Variants in EDIL3 observed in about 807,000 individuals in gnomAD.
The protein encoded by EDIL3 is EGF-like repeat and discoidin I-like domain-containing protein 3.
A neutral mutation model predicts 67.4 loss-of-function variants in EDIL3; 37 were observed. The observed-to-expected ratio is 0.55, with a 90% confidence interval of 0.42 to 0.72. The LOEUF is 0.72. Ranked by LOEUF, EDIL3 falls within the 30% of genes least tolerant of loss-of-function variation. The probability of loss-of-function intolerance (pLI) is 0.00; values close to 1 mark genes in which losing one functional copy is unlikely to be tolerated. For synonymous variants in EDIL3, 195 were observed against 196.3 expected (o/e 0.99, Z 0.05); for missense variants, 527 against 586.3 (o/e 0.90, Z 1.04).
chr5:84,379,470 T>A (rs1166648835), intron 1 of EDIL3, among the ~76,000 whole-genome samples: 1 of 152,164 alleles, frequency 6.6e-6, no homozygotes, highest in African/African-American at 2.4e-5. Flanking sequence ...CATTCATCTC[T>A]TTCCAGTGCA....
rs887876886 is a variant in EDIL3, at chr5:84,029,040, G to A, written c.1137+31260C>T. 3.3e-5 allele frequency among the ~76,000 whole-genome samples: 5 copies of A among 152,180 alleles called. No homozygotes were observed. In the South Asian group the frequency reaches 8.3e-4, roughly 25 times the overall value. On this transcript the variant is annotated intron_variant, in intron 9 of 10. Transcript: ENST00000296591. ...TGGGAGGCTGAGGCAGGTGGATCAC[G>A]AGGTCAGGAGATCGAGACCATCCTG...
chr5:84,280,701 T>G (rs1391152977), intron 1 of EDIL3, among the ~76,000 whole-genome samples: 2 of 151,960 alleles, frequency 1.3e-5, no homozygotes, highest in Non-Finnish European at 2.9e-5. Flanking sequence ...GCTTGAAATC[T>G]CAACACTTTG....
At chr5:84,248,810 T>C (rs2112069356) in intron 2 of EDIL3, among the ~76,000 whole-genome samples, 1 of 152,268 alleles carries the variant, frequency 6.6e-6, no homozygotes, top group Admixed American at 6.5e-5. Context: ...TAATTGTCTA[T>C]GGTATCATCT....
At chr5:84,318,553 C>T (rs1016051404) in intron 1 of EDIL3, among the ~76,000 whole-genome samples, 1 of 152,032 alleles carries the variant, frequency 6.6e-6, no homozygotes, top group Non-Finnish European at 1.5e-5. Flanking sequence ...ACAAGAAATG[C>T]AGGAAAGATT....
rs138493715 is a variant in EDIL3, at chr5:84,375,916, A to C, written c.67+8392T>G. Among the ~76,000 whole-genome samples, 651 of 152,320 alleles carry C rather than the reference A, an allele frequency of 4.3e-3. 3 individuals carry two copies. The highest frequency in any genetic ancestry group is 0.015 in the African/African-American group (605 of 41,576). ...TTGAAATTTTTAAATTATTGTCCCA[A>C]GAGAATAAGTATAATTTAATCCTTC... On this transcript the variant is annotated intron_variant, in intron 1 of 10. Coordinates refer to ENST00000296591, the MANE Select transcript of EDIL3 (RefSeq NM_005711.5).
At chr5:84,343,420 G>C (rs1342045499) in intron 1 of EDIL3, among the ~76,000 whole-genome samples, 1 of 151,836 alleles carries the variant, frequency 6.6e-6, no homozygotes, top group African/African-American at 2.4e-5. Context: ...AGTAAAAATA[G>C]TTTCTTGACA....
intron 1 of EDIL3, among the ~76,000 whole-genome samples, chr5:84,290,999 T>G (rs1456305184): frequency 4.6e-5 from 7 of 152,176 alleles, no homozygotes; most frequent in Admixed American, 3.9e-4. Flanking sequence ...AAATATTCTC[T>G]ACTAAGCCAG....
At chr5:84,244,103 G>T (rs1323015410) in intron 2 of EDIL3, among the ~76,000 whole-genome samples, 1 of 152,092 alleles carries the variant, frequency 6.6e-6, no homozygotes, top group Non-Finnish European at 1.5e-5. Context: ...CTTTAACAAA[G>T]AATCCATGCC....
intron 9 of EDIL3, among the ~76,000 whole-genome samples, chr5:84,036,198 T>G (rs1443234895): frequency 6.6e-6 from 1 of 152,174 alleles, no homozygotes; most frequent in Non-Finnish European, 1.5e-5. Flanking sequence ...CTTCTAGGGA[T>G]GGCAACAGGG....
intron 10 of EDIL3, among the ~76,000 whole-genome samples, chr5:83,957,134 C>T (rs1214121064): frequency 2.6e-5 from 4 of 151,604 alleles, no homozygotes; most frequent in Non-Finnish European, 5.9e-5. Flanking sequence ...CCTTCTCTGC[C>T]TTATTTGAAA....
chr5:84,252,493 C>CAAAAAAAAAAAAAAA (rs70975548), intron 2 of EDIL3, among the ~76,000 whole-genome samples: 1,145 of 28,924 alleles, frequency 0.04, 247 homozygotes, highest in Middle Eastern at 0.094. Flanking sequence ...GACTCCGTCT[C>CAAAAAAAAAAAAAAA]AAAAAAAAAA....
rs548471167 is a variant in EDIL3 at position 84,049,928 on chromosome 5, G to A, written c.1137+10372C>T. Among the ~76,000 whole-genome samples, 603 of 152,148 alleles carry A rather than the reference G, an allele frequency of 4.0e-3. 4 individuals carry two copies. Among genetic ancestry groups the A allele is most frequent in the African/African-American group, 0.013 (559 of 41,504 alleles). On this transcript the variant is annotated intron_variant, in intron 9 of 10. Transcript: ENST00000296591. ...TAAAAAAAATCACACGGCCGGGCGC[G>A]GTGGCTCACGCCTGTAATCCCAGCA...
At chr5:84,006,512 G>A (rs1745420274) in intron 9 of EDIL3, among the ~76,000 whole-genome samples, 1 of 152,138 alleles carries the variant, frequency 6.6e-6, no homozygotes, top group Admixed American at 6.5e-5. Context: ...GTAAGTGCAA[G>A]CTAAACATTG....
intron 9 of EDIL3, among the ~76,000 whole-genome samples, chr5:83,966,170 C>A (rs1744687608): frequency 6.6e-6 from 1 of 152,080 alleles, no homozygotes; most frequent in Non-Finnish European, 1.5e-5. Flanking sequence ...CAGATCCTCA[C>A]CTCCCCAAAG....
chr5:84,282,092 C>T (rs532057357), intron 1 of EDIL3, among the ~76,000 whole-genome samples: 9 of 151,268 alleles, frequency 5.9e-5, no homozygotes, highest in African/African-American at 2.2e-4. Flanking sequence ...AGGCTGGTCT[C>T]GAACTCCTGA....
intron 9 of EDIL3, among the ~76,000 whole-genome samples, chr5:84,033,702 T>A (rs1745968684): frequency 1.3e-5 from 1 of 79,208 alleles, no homozygotes; most frequent in African/African-American, 5.2e-5. Flanking sequence ...AGACATTGTC[T>A]CTAAAAAAAA....
At chr5:84,306,247 C>T (rs906074061) in intron 1 of EDIL3, among the ~76,000 whole-genome samples, 1 of 152,114 alleles carries the variant, frequency 6.6e-6, no homozygotes, top group African/African-American at 2.4e-5. Flanking sequence ...TAAGCACTGG[C>T]TTGAAACAGA....
chr5:84,218,323 TCA>T (rs1035613615), intron 3 of EDIL3, among the ~76,000 whole-genome samples: 11 of 152,332 alleles, frequency 7.2e-5, no homozygotes, highest in Middle Eastern at 3.4e-3. Context: ...AACAATTTTG[TCA>T]GTTTTTAAAA....
chr5:84,331,654 G>T (rs1746874424), intron 1 of EDIL3, among the ~76,000 whole-genome samples: 1 of 152,070 alleles, frequency 6.6e-6, no homozygotes, highest in African/African-American at 2.4e-5. Context: ...CCCAGTCTCG[G>T]GTATTTCTTC....
Sources: allele counts gnomAD v4.1 joint callset (sites outside exome capture counted in the v4.1 genomes callset), GRCh38; gene constraint gnomAD v4.1.1; transcripts MANE v1.5; gene names NCBI Gene and HGNC (gene_info 2026-07-23, HGNC 2026-07-21).